The following CD2AP variants were observed in gnomAD, a reference collection of about 807,000 sequenced individuals.
CD2AP encodes the protein CD2-associated protein.
Under a neutral mutation model 85.1 loss-of-function variants are expected in CD2AP, and 46 were observed. That is an observed-to-expected ratio of 0.54 (90% confidence interval 0.43 to 0.69). The LOEUF is 0.69. CD2AP is among the 30% of genes least tolerant of loss of function. CD2AP has a pLI of 0.00. For synonymous variants in CD2AP, 255 were observed against 252.9 expected (o/e 1.01, Z -0.08); for missense variants, 769 against 729.5 (o/e 1.05, Z -0.62).
intron 17 of CD2AP, among the ~76,000 whole-genome samples, chr6:47,622,071 C>G (rs886715621): frequency 6.6e-5 from 10 of 152,264 alleles, no homozygotes; most frequent in African/African-American, 2.4e-4. Flanking sequence ...AGTTGTGTAG[C>G]TAGGAGGAAT....
chr6:47,590,171 G>A (rs1562046696), intron 11 of CD2AP, among the ~76,000 whole-genome samples: 1 of 151,972 alleles, frequency 6.6e-6, no homozygotes, highest in Non-Finnish European at 1.5e-5. Flanking sequence ...GCCTTTAGGG[G>A]ATCTAGATAT....
At chr6:47,608,068 G>T in intron 15 of CD2AP, 40 bp downstream of exon 15, 1 of 1,359,838 alleles carries the variant, frequency 7.4e-7, no homozygotes, top group South Asian at 1.2e-5. Flanking sequence ...GACTTTCTGG[G>T]ATTCTTTGTG....
chr6:47,621,677 C>T (rs1769749409), intron 17 of CD2AP, among the ~76,000 whole-genome samples: 1 of 151,740 alleles, frequency 6.6e-6, no homozygotes, highest in South Asian at 2.1e-4. Flanking sequence ...TGGTCCTGGG[C>T]TTTTTTTTGT....
chr6:47,615,755 C>A (rs983488753), intron 17 of CD2AP, among the ~76,000 whole-genome samples: 2 of 149,304 alleles, frequency 1.3e-5, no homozygotes, highest in Non-Finnish European at 1.5e-5. Context: ...AGCAATGGAG[C>A]TGAAATTTAA....
At chr6:47,559,534 G>A (rs1767795286) in intron 5 of CD2AP, among the ~76,000 whole-genome samples, 1 of 151,938 alleles carries the variant, frequency 6.6e-6, no homozygotes, top group Non-Finnish European at 1.5e-5. Context: ...GATTACAGAT[G>A]TGAGCCACCA....
At chr6:47,482,619 C>G (rs1765473097) in intron 1 of CD2AP, among the ~76,000 whole-genome samples, 1 of 152,144 alleles carries the variant, frequency 6.6e-6, no homozygotes, top group African/African-American at 2.4e-5. Context: ...ACCTTGTAAT[C>G]TGCCCCCCTC....
At chr6:47,515,289 C>T (rs1034597293) in intron 2 of CD2AP, among the ~76,000 whole-genome samples, 8 of 152,028 alleles carry the variant, frequency 5.3e-5, no homozygotes, top group African/African-American at 1.9e-4. Flanking sequence ...ATATTTAAAA[C>T]TATTTAATAA....
intron 11 of CD2AP, among the ~76,000 whole-genome samples, chr6:47,589,549 T>TACAC (rs796621681): frequency 2.5e-4 from 20 of 78,624 alleles, no homozygotes; most frequent in African/African-American, 5.6e-4. Flanking sequence ...TACACATATA[T>TACAC]ATACACACAC....
chr6:47,534,562 G>C (rs74676032), intron 3 of CD2AP, among the ~76,000 whole-genome samples: 1 of 152,114 alleles, frequency 6.6e-6, no homozygotes, highest in Non-Finnish European at 1.5e-5. Context: ...CAAATTAGCC[G>C]GGCGTGGAGG....
At chr6:47,585,670 A>G (rs1768608375) in intron 11 of CD2AP, among the ~76,000 whole-genome samples, 3 of 152,164 alleles carry the variant, frequency 2.0e-5, no homozygotes, top group Non-Finnish European at 4.4e-5. Context: ...CACAGCGAGT[A>G]CTCAGATCTG....
intron 4 of CD2AP, among the ~76,000 whole-genome samples, chr6:47,553,080 AG>A (rs1175092940): frequency 6.6e-6 from 1 of 151,692 alleles, no homozygotes; most frequent in Non-Finnish European, 1.5e-5. Flanking sequence ...ATTGTATTGT[AG>A]CCATCTGCTT....
At position 47,609,117 on chromosome 6, in the gene CD2AP, T is replaced by G. The variant is rs886061522; in HGVS notation, c.1633-6T>G. On this transcript the variant is annotated splice_region_variant and splice_polypyrimidine_tract_variant and intron_variant, in intron 15 of 17. Coordinates refer to ENST00000359314, the MANE Select transcript of CD2AP (RefSeq NM_012120.3). The stretch of plus-strand genomic sequence containing the variant: ...AAAATCAGAAATTTTTTTTTTACGT[T>G]TTCAGCCATCTGTGTACCTTTCAAC... 1.6e-5 allele frequency: 25 copies of G among 1,591,676 alleles called. No homozygotes were observed. Among genetic ancestry groups the G allele is most frequent in the Non-Finnish European group, 2.0e-5 (23 of 1,171,428 alleles).
intron 2 of CD2AP, among the ~76,000 whole-genome samples, chr6:47,503,713 G>A (rs534308618): frequency 1.9e-3 from 293 of 152,250 alleles, no homozygotes; most frequent in African/African-American, 6.8e-3. Context: ...ATAAATAATA[G>A]TTTTCATTTG....
intron 6 of CD2AP, among the ~76,000 whole-genome samples, chr6:47,576,246 T>C (rs1768308164): frequency 6.6e-6 from 1 of 152,194 alleles, no homozygotes; most frequent in African/African-American, 2.4e-5. Context: ...TAGCCTCTTA[T>C]TTATTTTAGA....
At chr6:47,605,468 G>A (rs1769244912) in intron 13 of CD2AP, among the ~76,000 whole-genome samples, 1 of 151,874 alleles carries the variant, frequency 6.6e-6, no homozygotes, top group South Asian at 2.1e-4. Context: ...TGATGATGAG[G>A]AAGTAAGTTG....
chr6:47,530,518 T>A (rs938776628), intron 2 of CD2AP, among the ~76,000 whole-genome samples: 1 of 152,356 alleles, frequency 6.6e-6, no homozygotes, highest in East Asian at 1.9e-4. Flanking sequence ...TTTTTGTGTA[T>A]CAATAACTTC....
chr6:47,505,679 C>G (rs1374325916), intron 2 of CD2AP, among the ~76,000 whole-genome samples: 1 of 76,456 alleles, frequency 1.3e-5, no homozygotes, highest in African/African-American at 4.2e-5. Context: ...GGGGGCTGAC[C>G]CCCCCATCTC....
rs772034760 is a variant in CD2AP at position 47,544,694 on chromosome 6, T to C, written c.408T>C (p.Asp136=). Residue 136 remains aspartate (D), a synonymous_variant, in exon 4 of 18, where the codon GAT becomes GAC. Coordinates refer to ENST00000359314, the MANE Select transcript of CD2AP (RefSeq NM_012120.3). ...ELELKVGDII[D]INEEVEEGWW... is the part of the protein sequence containing the mutation. ...AGCTGAAAGTGGGAGATATTATTGA[T>C]ATTAATGAAGAGGTAAGGAAAAAAT... 2.6e-5 allele frequency: 41 copies of C among 1,604,008 alleles called. No individual in the cohort carries two copies. The highest frequency in any genetic ancestry group is 3.2e-5 in the Non-Finnish European group (38 of 1,171,176).
intron 3 of CD2AP, among the ~76,000 whole-genome samples, chr6:47,537,481 G>A (rs7753753): frequency 0.61 from 92,981 of 151,864 alleles, 29,194 homozygotes; most frequent in Middle Eastern, 0.74. Flanking sequence ...TAAAATATCT[G>A]GAAAAGTTGA....
Sources: allele counts gnomAD v4.1 joint callset (sites outside exome capture counted in the v4.1 genomes callset), GRCh38; gene constraint gnomAD v4.1.1; transcripts MANE v1.5; gene names NCBI Gene and HGNC (gene_info 2026-07-23, HGNC 2026-07-21).